Variants in GPM6B observed in about 807,000 individuals in gnomAD.
GPM6B encodes neuronal membrane glycoprotein M6-b.
Under a neutral mutation model 27.2 loss-of-function variants are expected in GPM6B, and 4 were observed. The ratio of observed to expected loss-of-function variants is 0.15; its 90% CI spans 0.07 to 0.34. The LOEUF is 0.34. GPM6B is among the 10% of genes least tolerant of loss of function. The pLI is 1.00. For synonymous variants in GPM6B, 124 were observed against 103.1 expected (o/e 1.20, Z -1.23); for missense variants, 183 against 261.9 (o/e 0.70, Z 2.08).
At chrX:13,778,104 G>C (rs1269394838) in intron 5 of GPM6B, among the ~76,000 whole-genome samples, 1 of 106,702 alleles carries the variant, frequency 9.4e-6, no homozygotes, top group African/African-American at 3.5e-5. Context: ...GGCTGGAGTG[G>C]AGTGCTGCAA....
At chrX:13,920,133 C>T (rs1410859137) in intron 1 of GPM6B, among the ~76,000 whole-genome samples, 4 of 108,471 alleles carry the variant, frequency 3.7e-5, no homozygotes, top group Middle Eastern at 4.7e-3. Flanking sequence ...CGTGGTGGCA[C>T]GCACCTATAA....
At chrX:13,899,523 T>C (rs1047004524) in intron 1 of GPM6B, among the ~76,000 whole-genome samples, 3 of 107,258 alleles carry the variant, frequency 2.8e-5, no homozygotes, top group Non-Finnish European at 5.8e-5. Context: ...AAAAAATGGA[T>C]ACAAAAATGT....
intron 1 of GPM6B, among the ~76,000 whole-genome samples, chrX:13,896,802 A>C (rs34067238): frequency 0.24 from 26,397 of 110,788 alleles, 2,587 homozygotes; most frequent in East Asian, 0.62. Context: ...TCCTGACCTC[A>C]GGTGATCCAC....
intron 4 of GPM6B, among the ~76,000 whole-genome samples, chrX:13,782,709 T>C (rs1344174271): frequency 2.1e-5 from 2 of 97,470 alleles, no homozygotes; most frequent in African/African-American, 7.9e-5. Flanking sequence ...TTAGTGGAGA[T>C]CGCGACACTG....
chrX:13,841,239 A>C lies in GPM6B; in HGVS notation c.-197-55431T>G, dbSNP rs773419166. ...TATGATAAGTTGAGTTCATCTTCCC[A>C]CTCCCCAGCAGATGCCTCCGTCATC... is the stretch of plus-strand genomic sequence containing the variant. On this transcript the variant is annotated intron_variant, in intron 1 of 6. Transcript: ENST00000398361. Among the ~76,000 whole-genome samples the C allele has an allele frequency of 2.7e-3, 303 of 111,072 alleles. 1 individual carries two copies. The highest frequency in any genetic ancestry group is 5.0e-3 in the Non-Finnish European group (265 of 52,942).
At chrX:13,803,522 C>T (rs2048961385) in intron 2 of GPM6B, among the ~76,000 whole-genome samples, 1 of 111,833 alleles carries the variant, frequency 8.9e-6, no homozygotes, top group South Asian at 3.7e-4. Context: ...ATTTGAGAGG[C>T]GGAAATTGGT....
At chrX:13,810,433 C>T (rs963201877) in intron 1 of GPM6B, among the ~76,000 whole-genome samples, 31 of 111,771 alleles carry the variant, frequency 2.8e-4, no homozygotes, top group African/African-American at 8.8e-4. Context: ...GCCCAATAAA[C>T]GCTGGCTGAA....
At position 13,822,357 on chromosome X, in the gene GPM6B, ACTC is replaced by A. The variant is rs749076855; in HGVS notation, c.-197-36552_-197-36550del. 3.7e-3 allele frequency among the ~76,000 whole-genome samples: 397 copies of A among 106,252 alleles called. 2 individuals are homozygous for A. The highest frequency in any genetic ancestry group is 0.013 in the African/African-American group (374 of 28,743). 92.3% of individuals were successfully genotyped at this position (106,252 alleles called of 115,157 possible). A position where few individuals can be genotyped will look rare whatever the true frequency, so the allele number is the denominator to read the frequency against. ...GCTTAAAATAAGTTTGTGTTAAGTG[ACTC>A]CTATTTTTTTTTTTTCTTTTTCTGA... On this transcript the variant is annotated intron_variant, in intron 1 of 6. Coordinates refer to the GPM6B transcript ENST00000398361.
At chrX:13,906,101 G>A (rs1333637638) in intron 1 of GPM6B, among the ~76,000 whole-genome samples, 1 of 112,374 alleles carries the variant, frequency 8.9e-6, no homozygotes, top group African/African-American at 3.2e-5. Flanking sequence ...CAAATGTAAA[G>A]TGAAGGCTTC....
At chrX:13,865,998 G>C (rs989041518) in intron 1 of GPM6B, among the ~76,000 whole-genome samples, 1 of 111,130 alleles carries the variant, frequency 9.0e-6, no homozygotes, top group Non-Finnish European at 1.9e-5. Context: ...TAAAAGTTGA[G>C]CTCATAAAAG....
Position 13,833,299 on chromosome X carries a change from T to A in GPM6B, c.-197-47491A>T, listed in dbSNP as rs191975823. 8.0e-5 allele frequency among the ~76,000 whole-genome samples: 9 copies of A among 111,808 alleles called. No homozygotes were observed. The Admixed American group carries it at 8.6e-4, about 11-fold the overall frequency. On this transcript the variant is annotated intron_variant, in intron 1 of 6. Transcript: ENST00000398361. ...AACAAATGTATTTTCTATTTTTAGA[T>A]AGGATTACTAGATCAAGTGAATGCT... is the stretch of plus-strand genomic sequence containing the variant.
In GPM6B at chrX:13,843,293, G is replaced by C. The variant is rs192641132; in HGVS notation, c.-197-57485C>G. ...TAGTATTTCCTTTCTTTTTATTGCT[G>C]AATCATACTGCATTGCAGGATATAC... On this transcript the variant is annotated intron_variant, in intron 1 of 6. Transcript: ENST00000398361. Among the ~76,000 whole-genome samples the C allele has an allele frequency of 8.9e-4, 100 of 111,998 alleles. 1 individual carries two copies. Among genetic ancestry groups the C allele is most frequent in the African/African-American group, 3.2e-3 (98 of 30,831 alleles).
intron 1 of GPM6B, among the ~76,000 whole-genome samples, chrX:13,861,035 CACACACACATAT>C (rs772106295): frequency 0.073 from 4,725 of 64,351 alleles, 101 homozygotes; most frequent in African/African-American, 0.22. Flanking sequence ...CACACACACA[CACACACACATAT>C]ATACATATAT....
chrX:13,831,067 C>T (rs2049432476), intron 1 of GPM6B, among the ~76,000 whole-genome samples: 1 of 110,091 alleles, frequency 9.1e-6, no homozygotes, highest in African/African-American at 3.3e-5. Flanking sequence ...GGTACCTTCC[C>T]CTTACTGGCT....
chrX:13,933,885 A>T (rs1056170661), intron 1 of GPM6B, among the ~76,000 whole-genome samples: 2 of 112,004 alleles, frequency 1.8e-5, no homozygotes, highest in African/African-American at 3.2e-5. Context: ...GACTTCTAGG[A>T]ACTCCAATCA....
At chrX:13,826,733 GTTTTTTGT>G (rs999507865) in intron 1 of GPM6B, among the ~76,000 whole-genome samples, 22 of 109,926 alleles carry the variant, frequency 2.0e-4, no homozygotes, top group African/African-American at 6.0e-4. Context: ...GTGAGACCCT[GTTTTTTGT>G]TTTTTTGTTT....
At chrX:13,779,770 G>C (rs376813000) in intron 5 of GPM6B, 48 bp downstream of exon 5, 2 of 1,043,958 alleles carry the variant, frequency 1.9e-6, no homozygotes, top group Admixed American at 4.6e-5. Context: ...ACATATGCAC[G>C]AGAGGATAAT....
At chrX:13,871,358 G>A (rs1200054126) in intron 1 of GPM6B, among the ~76,000 whole-genome samples, 3 of 111,983 alleles carry the variant, frequency 2.7e-5, no homozygotes, top group Non-Finnish European at 1.9e-5. Context: ...CACCTGAGGA[G>A]CTTTCAAAAC....
chrX:13,777,489 C>T, intron 5 of GPM6B, 64 bp from the exon 6 acceptor site: 1 of 738,274 alleles, frequency 1.4e-6, no homozygotes, highest in Non-Finnish European at 2.1e-6. Context: ...TTAACAGACC[C>T]CACCACTTCG....
Sources: allele counts gnomAD v4.1 joint callset (sites outside exome capture counted in the v4.1 genomes callset), GRCh38; gene constraint gnomAD v4.1.1; transcripts MANE v1.5; gene names NCBI Gene and HGNC (gene_info 2026-07-23, HGNC 2026-07-21).